KCNA6: variants seen among roughly 807,000 people sequenced by gnomAD.
KCNA6 encodes the protein human brain potassium channel-2.
Under a neutral mutation model 29.5 loss-of-function variants are expected in KCNA6, and 17 were observed. The observed-to-expected ratio is 0.58, with a 90% CI of 0.39 to 0.86. KCNA6 has a LOEUF of 0.86. KCNA6 is among the 40% of genes least tolerant of loss of function. The pLI is 0.00. For missense variants in KCNA6, 450 were observed against 703.4 expected, an observed-to-expected ratio of 0.64 and a Z score of 4.07; for synonymous variants, 296 against 304.7, an observed-to-expected ratio of 0.97 and a Z score of 0.30.
chr12:4,848,742 C>T, the KCNA6 span, among the ~76,000 whole-genome samples: 1 of 151,976 alleles, frequency 6.6e-6, no homozygotes, highest in Non-Finnish European at 1.5e-5. Context: ...CCATGTTGGT[C>T]GAGTTGATCC....
the KCNA6 span, among the ~76,000 whole-genome samples, chr12:4,835,365 A>C: frequency 1.3e-5 from 2 of 151,812 alleles, no homozygotes; most frequent in Non-Finnish European, 2.9e-5. Context: ...CGATCTCCTG[A>C]CCTTGTGATC....
the KCNA6 span, among the ~76,000 whole-genome samples, chr12:4,827,479 C>G: frequency 1.3e-5 from 2 of 152,196 alleles, no homozygotes; most frequent in Admixed American, 6.5e-5. Flanking sequence ...TGCAGCCCAG[C>G]AGGGATGCGA....
At chr12:4,850,364 T>A in the KCNA6 span, among the ~76,000 whole-genome samples, 1 of 151,988 alleles carries the variant, frequency 6.6e-6, no homozygotes, top group Admixed American at 6.5e-5. The surrounding 1 kb of genome is among the most constrained non-coding windows in gnomAD (Gnocchi z 5.4). Flanking sequence ...GCTGGATAGA[T>A]CAGATGAGAC....
Position 4,811,541 on chromosome 12 carries a change from C to T in KCNA6, c.1500C>T (p.Asp500=). 6.2e-7 allele frequency: 1 copy of T among 1,614,232 alleles called. No individual in the cohort carries two copies. The highest frequency in any genetic ancestry group is 8.5e-7 in the Non-Finnish European group (1 of 1,180,040). The change falls in exon 1 of 1, where the codon GAC becomes GAT. Residue 500 remains aspartate (D), a synonymous_variant. Transcript: ENST00000280684. This position sits in a 1 kb window ranked among gnomAD's most constrained non-coding sequence, Gnocchi z 7.1. ...CTGACAACGGACTTGGCAAGCCTGA[C>T]TTCCCCGAGGCTAACCGGGAACGGA...
the KCNA6 span, among the ~76,000 whole-genome samples, chr12:4,844,120 T>G: frequency 5.9e-5 from 9 of 152,230 alleles, no homozygotes; most frequent in Admixed American, 6.5e-5. This position sits in a 1 kb window ranked among gnomAD's most constrained non-coding sequence, Gnocchi z 4.0. Context: ...CTTGATTTAC[T>G]TTTTCATTTT....
At chr12:4,837,348 G>C in the KCNA6 span, among the ~76,000 whole-genome samples, 34 of 152,270 alleles carry the variant, frequency 2.2e-4, no homozygotes, top group East Asian at 5.4e-3. Context: ...CCTGAGTTCT[G>C]TGAGCCACTC....
rs1354136789 is a variant in KCNA6 at position 4,810,811 on chromosome 12, C to T, written c.770C>T (p.Ser257Phe). 2.6e-5 allele frequency: 42 copies of T among 1,591,608 alleles called. No individual in the cohort carries two copies. The highest frequency in any genetic ancestry group is 3.3e-5 in the Non-Finnish European group (39 of 1,169,480). ...TCCTCACTCAGTACTCTTGGGGGCT[C>T]CTTCTTTACAGACCCCTTCTTTCTG... is the stretch of plus-strand genomic sequence containing the variant. The change falls in exon 1 of 1, where the codon TCC becomes TTC. Residue 257 changes from serine to phenylalanine, a missense_variant. Ser to Phe is a radical substitution (Grantham distance 155). This residue lies in a region of KCNA6 where 74 missense variants were observed against 71.5 expected (regional missense o/e 1.03). Coordinates refer to ENST00000280684, the Ensembl canonical transcript of KCNA6. This position sits in a 1 kb window ranked among gnomAD's most constrained non-coding sequence, Gnocchi z 7.5.
the KCNA6 span, among the ~76,000 whole-genome samples, chr12:4,818,477 T>C: frequency 6.6e-6 from 1 of 152,198 alleles, no homozygotes; most frequent in African/African-American, 2.4e-5. Context: ...AGGGTTGTTT[T>C]GAGGATTAAA....
chr12:4,826,119 C>T, the KCNA6 span, among the ~76,000 whole-genome samples: 1 of 152,192 alleles, frequency 6.6e-6, no homozygotes, highest in African/African-American at 2.4e-5. Flanking sequence ...GACATTTGTC[C>T]TTTCTCCCAA....
chr12:4,850,677 C>CA, the KCNA6 span: 1 of 381,636 alleles, frequency 2.6e-6, no homozygotes, highest in Admixed American at 2.9e-5. This position sits in a 1 kb window ranked among gnomAD's most constrained non-coding sequence, Gnocchi z 5.4. Flanking sequence ...TTCCATCCCT[C>CA]ATGCGACACA....
In KCNA6 at chr12:4,810,305, C is replaced by A; in HGVS notation, c.264C>A (p.Arg88=). Residue 88 remains arginine, a synonymous_variant, in exon 1 of 1, where the codon CGC becomes CGA. Coordinates refer to ENST00000280684, the Ensembl canonical transcript of KCNA6. The surrounding 1 kb of genome is among the most constrained non-coding windows in gnomAD (Gnocchi z 7.5). Reference sequence around the variant, plus strand: ...TGAGGAACGAGTACTTCTTCGACCGCAACCGGCCCAGCTTCGACGCCATCC... The same window carrying A: ...TGAGGAACGAGTACTTCTTCGACCGAAACCGGCCCAGCTTCGACGCCATCC... The A allele has an allele frequency of 6.2e-7, 1 of 1,614,110 alleles. No homozygotes were observed. Among genetic ancestry groups the A allele is most frequent in the Non-Finnish European group, 8.5e-7 (1 of 1,180,042 alleles).
chr12:4,827,728 C>T, the KCNA6 span, among the ~76,000 whole-genome samples: 1 of 152,244 alleles, frequency 6.6e-6, no homozygotes, highest in Non-Finnish European at 1.5e-5. Context: ...TCTGCCCTCA[C>T]AGCTCTGCCC....
chr12:4,819,855 A>G, the KCNA6 span, among the ~76,000 whole-genome samples: 3 of 152,242 alleles, frequency 2.0e-5, no homozygotes, highest in Admixed American at 2.0e-4. Context: ...CGTCATCTGC[A>G]AAATAAGGAA....
chr12:4,820,517 A>C, the KCNA6 span, among the ~76,000 whole-genome samples: 4 of 146,308 alleles, frequency 2.7e-5, no homozygotes, highest in African/African-American at 1.0e-4. Flanking sequence ...ATATTTTCCC[A>C]TGGGAAATGG....
At chr12:4,826,764 T>A in the KCNA6 span, among the ~76,000 whole-genome samples, 3 of 152,246 alleles carry the variant, frequency 2.0e-5, no homozygotes, top group African/African-American at 7.2e-5. Flanking sequence ...ATTGCTTGGC[T>A]TTTGCCACTG....
chr12:4,812,727 T>TG (rs1315269287), exon 1 of KCNA6: 1 of 167,102 alleles, frequency 6.0e-6, no homozygotes, highest in Non-Finnish European at 1.5e-5. Context: ...GATGGCAGCA[T>TG]GGGTTTCTTC....
exon 1 of KCNA6, chr12:4,812,132 C>T (rs1416877544): frequency 5.8e-6 from 1 of 172,956 alleles, no homozygotes; most frequent in East Asian, 1.9e-4. Flanking sequence ...TGCCCTGTAA[C>T]AATCACTGGT....
chr12:4,823,429 T>C, the KCNA6 span, among the ~76,000 whole-genome samples: 12 of 139,606 alleles, frequency 8.6e-5, no homozygotes, highest in Non-Finnish European at 1.6e-5. Context: ...TTTTTTTTTT[T>C]CATTTTAGGA....
chr12:4,841,260 C>CA, the KCNA6 span, among the ~76,000 whole-genome samples: 2 of 152,074 alleles, frequency 1.3e-5, no homozygotes, highest in Non-Finnish European at 2.9e-5. Context: ...GCCAGTATCA[C>CA]CATCTTTTCT....
Sources: gnomAD v4.1 joint callset for allele counts (sites outside exome capture counted in the v4.1 genomes callset) on GRCh38, gnomAD v4.1.1 for gene constraint, gnomAD v4.1.1 regional missense constraint, Gnocchi (gnomAD v3.1) non-coding constraint, MANE v1.5 for transcripts, NCBI Gene and HGNC (gene_info 2026-07-23, HGNC 2026-07-21) for gene names.